IL1RAPL2: variants seen among roughly 807,000 people sequenced by gnomAD.
The protein encoded by IL1RAPL2 is interleukin 1 receptor accessory protein like 2.
Under a neutral mutation model 44.1 loss-of-function variants are expected in IL1RAPL2, and 3 were observed. That is an observed-to-expected ratio of 0.07 (90% CI 0.03 to 0.18). The LOEUF (loss-of-function observed/expected upper bound fraction) is 0.18, where lower values mean the gene tolerates loss of function less well. IL1RAPL2 is among the 10% of genes least tolerant of loss of function. The pLI, the probability that IL1RAPL2 is intolerant of heterozygous loss-of-function variation, is 1.00. For synonymous variants in IL1RAPL2, 181 were observed against 178.8 expected (o/e 1.01, Z -0.10); for missense variants, 391 against 496.4 (o/e 0.79, Z 2.02).
At chrX:105,634,507 G>A (rs375357560) in intron 6 of IL1RAPL2, among the ~76,000 whole-genome samples, 4 of 111,600 alleles carry the variant, frequency 3.6e-5, no homozygotes, top group South Asian at 7.4e-4. Context: ...GGACAAGCAG[G>A]ATTGTCCCTT....
At chrX:105,006,846 T>C (rs1405805444) in intron 2 of IL1RAPL2, among the ~76,000 whole-genome samples, 1 of 111,530 alleles carries the variant, frequency 9.0e-6, no homozygotes, top group Non-Finnish European at 1.9e-5. Context: ...CTGCACTCCT[T>C]GTTAGATCCT....
intron 6 of IL1RAPL2, among the ~76,000 whole-genome samples, chrX:105,553,319 C>T (rs375423486): frequency 5.4e-5 from 6 of 111,823 alleles, no homozygotes; most frequent in African/African-American, 2.0e-4. Flanking sequence ...CCCCAGAAAC[C>T]ACCTGAAGGA....
At chrX:105,413,439 A>C (rs2035711456) in intron 5 of IL1RAPL2, among the ~76,000 whole-genome samples, 1 of 111,627 alleles carries the variant, frequency 9.0e-6, no homozygotes, top group Non-Finnish European at 1.9e-5. Flanking sequence ...GAGAGATGAC[A>C]GCAGGAGAGG....
chrX:105,028,162 G>A (rs965626986), intron 2 of IL1RAPL2, among the ~76,000 whole-genome samples: 2 of 111,011 alleles, frequency 1.8e-5, no homozygotes, highest in African/African-American at 6.5e-5. Flanking sequence ...GTAGAAGTAC[G>A]GTTACCAGAG....
At chrX:105,733,349 G>GT (rs1569470025) in intron 7 of IL1RAPL2, among the ~76,000 whole-genome samples, 1 of 110,752 alleles carries the variant, frequency 9.0e-6, no homozygotes, top group Non-Finnish European at 1.9e-5. Flanking sequence ...CTAGGTGTAG[G>GT]TTTTTTGGTA....
At chrX:105,688,473 T>C (rs2038004088) in intron 6 of IL1RAPL2, among the ~76,000 whole-genome samples, 1 of 111,618 alleles carries the variant, frequency 9.0e-6, no homozygotes, top group African/African-American at 3.3e-5. Flanking sequence ...CCATTCACAA[T>C]TGCTTCAAAG....
At chrX:104,732,735 G>C (rs1239072371) in intron 2 of IL1RAPL2, among the ~76,000 whole-genome samples, 2 of 111,230 alleles carry the variant, frequency 1.8e-5, no homozygotes, top group South Asian at 3.8e-4. Context: ...AACTTCTTCA[G>C]AGAATTAAAA....
chrX:104,895,963 C>G (rs1273005082), intron 2 of IL1RAPL2, among the ~76,000 whole-genome samples: 1 of 112,033 alleles, frequency 8.9e-6, no homozygotes, highest in African/African-American at 3.2e-5. Flanking sequence ...CAGTGACTCT[C>G]CAAAACCACC....
At chrX:105,355,782 C>T (rs1448116168) in intron 5 of IL1RAPL2, among the ~76,000 whole-genome samples, 1 of 111,442 alleles carries the variant, frequency 9.0e-6, no homozygotes, top group Non-Finnish European at 1.9e-5. Context: ...ATAATTACTA[C>T]CATTTTATAG....
chrX:105,431,327 G>A (rs748591305), intron 5 of IL1RAPL2, among the ~76,000 whole-genome samples: 24 of 111,872 alleles, frequency 2.1e-4, no homozygotes, highest in African/African-American at 7.4e-4. Flanking sequence ...GATCTGAGAG[G>A]CCATCTCCAT....
chrX:104,624,706 A>G (rs949341074), intron 1 of IL1RAPL2, among the ~76,000 whole-genome samples: 1 of 112,095 alleles, frequency 8.9e-6, no homozygotes, highest in Admixed American at 9.5e-5. Context: ...ACATATACAT[A>G]TACATACACA....
At chrX:105,408,686 A>C (rs1036923551) in intron 5 of IL1RAPL2, among the ~76,000 whole-genome samples, 2 of 111,507 alleles carry the variant, frequency 1.8e-5, no homozygotes, top group African/African-American at 6.5e-5. Context: ...ATATGCCTAA[A>C]TTATATTTAA....
intron 2 of IL1RAPL2, among the ~76,000 whole-genome samples, chrX:104,917,011 G>T (rs1165731830): frequency 2.7e-5 from 3 of 111,842 alleles, no homozygotes; most frequent in East Asian, 2.8e-4. Context: ...GTTCATCAAA[G>T]ATATTGGTCT....
intron 5 of IL1RAPL2, among the ~76,000 whole-genome samples, chrX:105,327,952 T>G (rs1326259166): frequency 8.9e-6 from 1 of 111,768 alleles, no homozygotes; most frequent in Non-Finnish European, 1.9e-5. Context: ...TCTCTAAAAA[T>G]TAATCTTCTG....
intron 2 of IL1RAPL2, among the ~76,000 whole-genome samples, chrX:105,131,964 C>T (rs1192883948): frequency 9.0e-6 from 1 of 110,829 alleles, no homozygotes; most frequent in African/African-American, 3.3e-5. Context: ...AATTGGCTGC[C>T]ATGCTCTGTG....
At chrX:105,738,005 A>C (rs984253406) in intron 7 of IL1RAPL2, among the ~76,000 whole-genome samples, 1 of 111,848 alleles carries the variant, frequency 8.9e-6, no homozygotes, top group Non-Finnish European at 1.9e-5. Context: ...GTGATGGTAC[A>C]TAAATGTAAA....
chrX:105,601,029 A>G (rs1351092601), intron 6 of IL1RAPL2, among the ~76,000 whole-genome samples: 1 of 111,474 alleles, frequency 9.0e-6, no homozygotes, highest in African/African-American at 3.3e-5. Flanking sequence ...TCTTTTTAAT[A>G]TATTTATGGG....
At chrX:104,876,067 TTC>T (rs1922892739) in intron 2 of IL1RAPL2, among the ~76,000 whole-genome samples, 1 of 111,484 alleles carries the variant, frequency 9.0e-6, no homozygotes, top group African/African-American at 3.3e-5. Flanking sequence ...GTTGAATGAT[TTC>T]TCTTTTAATC....
intron 1 of IL1RAPL2, among the ~76,000 whole-genome samples, chrX:104,641,067 G>A (rs1396110021): frequency 6.2e-5 from 7 of 112,202 alleles, no homozygotes; most frequent in Non-Finnish European, 1.3e-4. Context: ...CATGGGTAAT[G>A]TCAGTAGCAG....
Sources: gnomAD v4.1 joint callset for allele counts (sites outside exome capture counted in the v4.1 genomes callset) on GRCh38, gnomAD v4.1.1 for gene constraint, MANE v1.5 for transcripts, NCBI Gene and HGNC (gene_info 2026-07-23, HGNC 2026-07-21) for gene names.